MVB12B: variants seen among roughly 807,000 people sequenced by gnomAD.
MVB12B encodes multivesicular body subunit 12B, also known as ESCRT-I complex subunit MVB12B.
In MVB12B, 16 loss-of-function variants were observed where a neutral mutation model predicts 41.6. The ratio of observed to expected loss-of-function variants is 0.38; its 90% CI spans 0.26 to 0.58. The LOEUF (loss-of-function observed/expected upper bound fraction) is 0.58. Ranked by LOEUF, MVB12B falls within the 20% of genes least tolerant of loss-of-function variation. MVB12B has a pLI of 0.62. For missense variants in MVB12B, 274 were observed against 380.2 expected (o/e 0.72, Z 2.32); for synonymous variants, 133 against 139.7 (o/e 0.95, Z 0.34).
chr9:126,457,101 T>C (rs2109913), intron 7 of MVB12B, among the ~76,000 whole-genome samples: 150,747 of 152,250 alleles, frequency 0.99, 74,650 homozygotes, highest in Middle Eastern at 1. Flanking sequence ...GTGGCAGGCT[T>C]ATTCCTCCCA....
chr9:126,414,966 G>A (rs1831768287), intron 6 of MVB12B, among the ~76,000 whole-genome samples: 1 of 152,112 alleles, frequency 6.6e-6, no homozygotes, highest in African/African-American at 2.4e-5. Flanking sequence ...CTGGGTTCAA[G>A]TGACCCACTC....
intron 9 of MVB12B, among the ~76,000 whole-genome samples, chr9:126,501,583 A>T (rs946596028): frequency 6.6e-6 from 1 of 152,184 alleles, no homozygotes; most frequent in Non-Finnish European, 1.5e-5. Context: ...AGCCATGGAC[A>T]TAGTGCTGGG....
intron 2 of MVB12B, among the ~76,000 whole-genome samples, chr9:126,351,483 CTTT>C (rs34141510): frequency 7.1e-4 from 61 of 86,310 alleles, no homozygotes; most frequent in East Asian, 1.8e-3. Flanking sequence ...GTCTTTCACT[CTTT>C]TTTTTTTTTT....
intron 2 of MVB12B, among the ~76,000 whole-genome samples, chr9:126,356,553 A>C (rs561831908): frequency 1.3e-5 from 2 of 152,244 alleles, no homozygotes; most frequent in African/African-American, 4.8e-5. Flanking sequence ...CAGTTAAGAT[A>C]ATGAACATGT....
rs920392034 is a variant in MVB12B, at chr9:126,430,570, T to A, written c.757+8622T>A. On this transcript the variant is annotated intron_variant, in intron 7 of 9. Transcript: ENST00000361171. Reference sequence around the variant, plus strand: ...GACCATATTTAGAGAGAATGGAGGCTCCCCTCTTTTTTTTTTTTTAATTGA... The same window carrying A: ...GACCATATTTAGAGAGAATGGAGGCACCCCTCTTTTTTTTTTTTTAATTGA... Among the ~76,000 whole-genome samples, 5 of 142,128 alleles carry A rather than the reference T, an allele frequency of 3.5e-5. No individual in the cohort carries two copies. The Admixed American group carries it at 3.5e-4, about 10-fold the overall frequency. 93.2% of individuals were successfully genotyped at this position (142,128 alleles called of 152,430 possible).
intron 7 of MVB12B, among the ~76,000 whole-genome samples, chr9:126,446,411 C>T (rs1832767747): frequency 6.8e-6 from 1 of 147,126 alleles, no homozygotes. Flanking sequence ...AGGCTTTTTG[C>T]TTATCAAAAT....
chr9:126,327,811 C>T (rs1179394807), intron 1 of MVB12B, among the ~76,000 whole-genome samples: 1 of 152,230 alleles, frequency 6.6e-6, no homozygotes, highest in Admixed American at 6.5e-5. Flanking sequence ...CTCAACACCT[C>T]TTGCACAAGG....
rs1832032162 is a variant in MVB12B at position 126,421,948 on chromosome 9, G to A, written c.757G>A (p.Ala253Thr). The A allele has an allele frequency of 2.5e-6, 4 of 1,611,020 alleles. No homozygotes were observed. Among genetic ancestry groups the A allele is most frequent in the Non-Finnish European group, 3.4e-6 (4 of 1,177,552 alleles). ...GCACTCCAATTTGTATGCCATATCA[G>A]GTATGTGGAGCCACCGCTGCAGGCC... is the stretch of plus-strand genomic sequence containing the variant. ...YQHSNLYAIS[A>T]MDGVPFMISE... Residue 253 changes from alanine (A) to threonine (T), a missense_variant and splice_region_variant, in exon 7 of 10, where the codon GCA (alanine) becomes ACA (threonine). Ala to Thr is a moderately conservative substitution (Grantham distance 58, BLOSUM62 0). Coordinates refer to ENST00000361171, the MANE Select transcript of MVB12B (RefSeq NM_033446.3).
At chr9:126,444,751 G>T (rs1262176802) in intron 7 of MVB12B, among the ~76,000 whole-genome samples, 1 of 151,988 alleles carries the variant, frequency 6.6e-6, no homozygotes, top group Non-Finnish European at 1.5e-5. Flanking sequence ...GTTCTGCTGT[G>T]ATTTGTTTTG....
intron 7 of MVB12B, among the ~76,000 whole-genome samples, chr9:126,466,364 G>A (rs577215208): frequency 9.2e-5 from 14 of 152,302 alleles, no homozygotes; most frequent in African/African-American, 1.4e-4. Context: ...CCTCACAAGC[G>A]TGTTTACGTC....
At chr9:126,363,244 C>T (rs1830073639) in intron 2 of MVB12B, among the ~76,000 whole-genome samples, 1 of 152,166 alleles carries the variant, frequency 6.6e-6, no homozygotes, top group Non-Finnish European at 1.5e-5. Context: ...TCAACAACCT[C>T]ATTGAATTCT....
chr9:126,374,658 C>G (rs1264078535), intron 2 of MVB12B, among the ~76,000 whole-genome samples: 1 of 152,340 alleles, frequency 6.6e-6, no homozygotes, highest in South Asian at 2.1e-4. Flanking sequence ...TCTGCATGTT[C>G]AGTTTTGGTG....
chr9:126,373,828 T>C (rs768071235), intron 2 of MVB12B, among the ~76,000 whole-genome samples: 2 of 152,184 alleles, frequency 1.3e-5, no homozygotes, highest in Admixed American at 6.5e-5. Flanking sequence ...AAAAGCTATA[T>C]ATGCTCATTA....
chr9:126,480,211 G>A lies in MVB12B; in HGVS notation c.758-1158G>A, dbSNP rs187381891. On this transcript the variant is annotated intron_variant, in intron 7 of 9. Transcript: ENST00000361171. This position sits in a 1 kb window ranked among gnomAD's most constrained non-coding sequence, Gnocchi z 4.9. Reference sequence around the variant, plus strand: ...CGGCCACCCCTGACTTCGGGGCTCCGCGTCCCTGCACTCATGACCAGGCCC... The same window carrying A: ...CGGCCACCCCTGACTTCGGGGCTCCACGTCCCTGCACTCATGACCAGGCCC... 1.2e-4 allele frequency among the ~76,000 whole-genome samples: 19 copies of A among 152,270 alleles called. No individual in the cohort carries two copies. The highest frequency in any genetic ancestry group is 9.8e-4 in the Admixed American group (15 of 15,300).
At chr9:126,418,933 A>T (rs967242955) in intron 6 of MVB12B, among the ~76,000 whole-genome samples, 1 of 152,058 alleles carries the variant, frequency 6.6e-6, no homozygotes, top group Non-Finnish European at 1.5e-5. Flanking sequence ...AGGTAACTTT[A>T]TGGATATTTT....
chr9:126,401,071 G>C (rs1831255411), intron 6 of MVB12B, among the ~76,000 whole-genome samples: 1 of 152,180 alleles, frequency 6.6e-6, no homozygotes, highest in South Asian at 2.1e-4. Context: ...CCATGGTCCT[G>C]AGGGAGAAGC....
chr9:126,481,088 G>A, intron 7 of MVB12B: 1 of 449,098 alleles, frequency 2.2e-6, no homozygotes, highest in Non-Finnish European at 4.0e-6. Flanking sequence ...GTGGAGAGTA[G>A]GGGTTCTGGA....
At chr9:126,446,042 G>A (rs988673784) in intron 7 of MVB12B, among the ~76,000 whole-genome samples, 1 of 152,174 alleles carries the variant, frequency 6.6e-6, no homozygotes, top group Non-Finnish European at 1.5e-5. Flanking sequence ...TAATGGGAAT[G>A]CTTCTAGTGT....
At chr9:126,345,723 G>A (rs982874367) in intron 2 of MVB12B, among the ~76,000 whole-genome samples, 6 of 152,130 alleles carry the variant, frequency 3.9e-5, no homozygotes, top group African/African-American at 1.4e-4. Context: ...CCATTGAACG[G>A]CTCACTTTCT....
Sources: allele counts gnomAD v4.1 joint callset (sites outside exome capture counted in the v4.1 genomes callset), GRCh38; gene constraint gnomAD v4.1.1; non-coding constraint Gnocchi (gnomAD v3.1); transcripts MANE v1.5; gene names NCBI Gene and HGNC (gene_info 2026-07-23, HGNC 2026-07-21).